The following MAN2B1 variants were observed in gnomAD, a reference collection of about 807,000 sequenced individuals.
MAN2B1 encodes lysosomal alpha-mannosidase.
MAN2B1 carries 99 observed loss-of-function variants against 127.5 expected under a neutral mutation model. That is an observed-to-expected ratio of 0.78 (90% confidence interval 0.66 to 0.92). MAN2B1 has a LOEUF of 0.92. Among genes scored for constraint, MAN2B1 ranks in the 40% least tolerant of loss-of-function variants. The pLI, the probability that MAN2B1 is intolerant of heterozygous loss-of-function variation, is 0.00. For missense variants in MAN2B1, 1,304 were observed against 1,384.8 expected (o/e 0.94, Z 0.93); for synonymous variants, 573 against 568.8 (o/e 1.01, Z -0.11).
intron 14 of MAN2B1, among the ~76,000 whole-genome samples, chr19:12,654,061 G>C (rs1164822465): frequency 2.9e-5 from 2 of 68,588 alleles, no homozygotes; most frequent in Non-Finnish European, 5.8e-5. Context: ...TTTTTTTTTT[G>C]AGACGGAGTC....
At chr19:12,651,460 C>T (rs1175923173) in intron 16 of MAN2B1, among the ~76,000 whole-genome samples, 1 of 152,162 alleles carries the variant, frequency 6.6e-6, no homozygotes, top group Non-Finnish European at 1.5e-5. Flanking sequence ...TATGGAACCA[C>T]CCCACTTTCT....
chr19:12,661,573 G>A (rs1382297315), intron 6 of MAN2B1, among the ~76,000 whole-genome samples, 197 bp from the exon 7 acceptor site: 1 of 152,100 alleles, frequency 6.6e-6, no homozygotes, highest in African/African-American at 2.4e-5. Flanking sequence ...CCTAGAAGAG[G>A]GCATCCAGTC....
chr19:12,662,454 C>G (rs575319794), intron 6 of MAN2B1, among the ~76,000 whole-genome samples: 4 of 151,834 alleles, frequency 2.6e-5, no homozygotes, highest in Non-Finnish European at 5.9e-5. Flanking sequence ...ATGGTGAAAC[C>G]CCCTTTCTAC....
At position 12,658,457 on chromosome 19, in the gene MAN2B1, G is replaced by C. The variant is rs746182835; in HGVS notation, c.1080C>G (p.Leu360=). 2.5e-6 allele frequency: 4 copies of C among 1,614,100 alleles called. No homozygotes were observed. The highest frequency in any genetic ancestry group is 2.2e-5 in the East Asian group (1 of 44,898). The change falls in exon 8 of 24, where the codon CTC becomes CTG. Residue 360 remains leucine (L), a synonymous_variant. Coordinates refer to ENST00000456935, the MANE Select transcript of MAN2B1 (RefSeq NM_000528.4). The part of the protein sequence containing the change: ...HVLYSTPACY[L]WELNKANLTW... ...TGAGGTTGGCCTTGTTCAGCTCCCA[G>C]AGGTAACAAGCGGGGGTGGAGTAGA...
In MAN2B1 at chr19:12,658,154, G is replaced by A. The variant is rs372848519; in HGVS notation, c.1231-13C>T. 1.1e-4 allele frequency: 179 copies of A among 1,613,576 alleles called. 2 individuals are homozygous for A. The East Asian group carries it at 2.0e-3, about 18-fold the overall frequency. Reference sequence around the variant, plus strand: ...GCTGGTTGCACACCTGGAGGCAGAGGGGTATGTTGGGGCGCCCAGCCTGTC... The same window carrying A: ...GCTGGTTGCACACCTGGAGGCAGAGAGGTATGTTGGGGCGCCCAGCCTGTC... On this transcript the variant is annotated splice_polypyrimidine_tract_variant and intron_variant, in intron 9 of 23. Transcript: ENST00000456935.
chr19:12,663,411 A>G lies in MAN2B1; in HGVS notation c.815T>C (p.Leu272Pro). The change falls in exon 6 of 24, where the codon CTG becomes CCG. Residue 272 changes from leucine to proline, a missense_variant. By Grantham distance (98) the Leu-to-Pro change is moderately conservative. Coordinates refer to ENST00000456935, the MANE Select transcript of MAN2B1 (RefSeq NM_000528.4). ...CTCCACCAGCGGCTGATCGACACAC[A>G]GCACATCCCAGCACAGATTCCTTGG... ...NPPRNLCWDV[L>P]CVDQPLVEDP... is the part of the protein sequence containing the mutation. The G allele has an allele frequency of 6.2e-7, 1 of 1,614,094 alleles. No individual in the cohort carries two copies. The highest frequency in any genetic ancestry group is 8.5e-7 in the Non-Finnish European group (1 of 1,179,952).
At chr19:12,658,662 G>C (rs565657563) in intron 7 of MAN2B1, 152 bp from the exon 8 acceptor site, 1 of 741,070 alleles carries the variant, frequency 1.3e-6, no homozygotes, top group Admixed American at 2.1e-5. Flanking sequence ...GTGTGAAAAT[G>C]AATTTTGGCT....
Position 12,665,335 on chromosome 19 carries a change from C to G in MAN2B1, c.436+17G>C. 6.2e-7 allele frequency: 1 copy of G among 1,601,938 alleles called. No homozygotes were observed. Among genetic ancestry groups the G allele is most frequent in the Non-Finnish European group, 8.5e-7 (1 of 1,179,924 alleles). On this transcript the variant is annotated intron_variant, in intron 3 of 23. Coordinates refer to ENST00000456935, the MANE Select transcript of MAN2B1 (RefSeq NM_000528.4). The stretch of plus-strand genomic sequence containing the variant: ...TGGGCTGGGCTTCCTCTTTTCACTT[C>G]CTTGGGGTAGGCTCACCCTGGCGCA...
rs773957286 is a variant in MAN2B1, at chr19:12,658,210, C to G, written c.1230+14G>C. 1.2e-6 allele frequency: 2 copies of G among 1,613,902 alleles called. No individual in the cohort carries two copies. The highest frequency in any genetic ancestry group is 2.2e-5 in the South Asian group (2 of 91,084). Reference sequence around the variant, plus strand: ...TCGGGGCTGCATGCCCCCTCTAGCCCGGCTCCTACCCACCTGCAGGAAGTT... The same window carrying G: ...TCGGGGCTGCATGCCCCCTCTAGCCGGGCTCCTACCCACCTGCAGGAAGTT... On this transcript the variant is annotated intron_variant, in intron 9 of 23. Transcript: ENST00000456935.
In MAN2B1 at chr19:12,650,173, T is replaced by C; in HGVS notation, c.2096A>G (p.Gln699Arg). ...VHQNFSAWCS[Q>R]VVRLYPGQRH... ...CTGTCCTGGGTACAGGCGAACCACCTGGGAACACCAAGCTGAGAAGTTCTG... is the reference window on the plus strand; with the variant it reads ...CTGTCCTGGGTACAGGCGAACCACCCGGGAACACCAAGCTGAGAAGTTCTG... The change falls in exon 17 of 24, where the codon CAG becomes CGG. Residue 699 changes from glutamine to arginine, a missense_variant. Transcript: ENST00000456935. 2 of 1,613,960 alleles carry C rather than the reference T, an allele frequency of 1.2e-6. No homozygotes were observed. The highest frequency in any genetic ancestry group is 1.7e-6 in the Non-Finnish European group (2 of 1,179,988).
At position 12,661,351 on chromosome 19, in the gene MAN2B1, G is replaced by A. The variant is rs1054487; in HGVS notation, c.935C>T (p.Thr312Ile). 607,144 of 1,610,788 alleles carry A rather than the reference G, an allele frequency of 0.38. 121,803 individuals carry two copies. The highest frequency in any genetic ancestry group is 0.55 in the African/African-American group (41,408 of 74,886). The change falls in exon 7 of 24, where the codon ACT becomes ATT. Residue 312 changes from threonine (T) to isoleucine (I), a missense_variant. Transcript: ENST00000456935. ...AQGRYYRTNHTVMTMGSDFQY... is the reference protein window; with the variant it reads ...AQGRYYRTNHIVMTMGSDFQY... ...GAAGTCCGAGCCCATGGTCATCACA[G>A]TGTGGTTGGTGCGGTAATACCGGCC... is the stretch of plus-strand genomic sequence containing the variant.
At chr19:12,656,361 A>G (rs1446462232) in intron 13 of MAN2B1, 2 of 546,014 alleles carry the variant, frequency 3.7e-6, no homozygotes, top group Non-Finnish European at 6.5e-6. Context: ...CGTCTCAAAA[A>G]AAAAAAAAAA....
intron 16 of MAN2B1, among the ~76,000 whole-genome samples, chr19:12,651,860 A>G (rs2023846105): frequency 6.6e-6 from 1 of 152,352 alleles, no homozygotes; most frequent in East Asian, 1.9e-4. Context: ...TCATGGGCCA[A>G]GTGGGAATGC....
At chr19:12,655,339 G>C (rs749146656) in intron 14 of MAN2B1, among the ~76,000 whole-genome samples, 12 of 152,044 alleles carry the variant, frequency 7.9e-5, no homozygotes, top group Non-Finnish European at 1.2e-4. Context: ...TCCCCACCTG[G>C]ATCTCTCTTC....
intron 11 of MAN2B1, 32 bp downstream of exon 11, chr19:12,657,414 C>G: frequency 6.5e-7 from 1 of 1,528,482 alleles, no homozygotes; most frequent in East Asian, 2.4e-5. Context: ...CCTGTCTCCA[C>G]CCCCGTGTCT....
In MAN2B1 at chr19:12,647,043, C is replaced by T. The variant is rs2023704489; in HGVS notation, c.2923+190G>A. 1.6e-6 allele frequency: 1 copy of T among 627,670 alleles called. No homozygotes were observed. Among genetic ancestry groups the T allele is most frequent in the Non-Finnish European group, 2.8e-6 (1 of 353,160 alleles). The allele number at this position is 627,670 out of a possible 1,614,324, so 38.9% of individuals were successfully genotyped here. ...CTTGGGACTAAACAGCACCCACAAA[C>T]CTCAAGACCCATTCCTGGTTTGCCG... On this transcript the variant is annotated intron_variant, in intron 23 of 23. Transcript: ENST00000456935. The surrounding 1 kb of genome is among the most constrained non-coding windows in gnomAD (Gnocchi z 4.9).
At chr19:12,657,860 C>T (rs865970524) in intron 10 of MAN2B1, 33 of 619,964 alleles carry the variant, frequency 5.3e-5, no homozygotes, top group African/African-American at 5.3e-4. Context: ...GAGGCTGAGT[C>T]AGGAGAATGG....
In MAN2B1 at chr19:12,652,416, C is replaced by T. The variant is rs753652903; in HGVS notation, c.1875G>A (p.Glu625=). Residue 625 remains glutamate (E), a synonymous_variant, in exon 15 of 24, where the codon GAG becomes GAA. Coordinates refer to ENST00000456935, the MANE Select transcript of MAN2B1 (RefSeq NM_000528.4). ...TFDPDTGLLM[E]IMNMNQQLLL... is the part of the protein sequence containing the mutation. ...GGAGTTGCTGATTCATGTTCATAAT[C>T]TCCATCAACAGCCCTGTGTCAGGAT... 3 of 1,614,170 alleles carry T rather than the reference C, an allele frequency of 1.9e-6. No homozygotes were observed. Among genetic ancestry groups the T allele is most frequent in the Non-Finnish European group, 2.5e-6 (3 of 1,180,036 alleles).
intron 7 of MAN2B1, among the ~76,000 whole-genome samples, chr19:12,659,550 A>C (rs1456295943): frequency 6.7e-6 from 1 of 148,916 alleles, no homozygotes; most frequent in African/African-American, 2.5e-5. Context: ...TGATCCGCCC[A>C]CCTCAGATTA....
Sources: allele counts gnomAD v4.1 joint callset (sites outside exome capture counted in the v4.1 genomes callset), GRCh38; gene constraint gnomAD v4.1.1; non-coding constraint Gnocchi (gnomAD v3.1); transcripts MANE v1.5; gene names NCBI Gene and HGNC (gene_info 2026-07-23, HGNC 2026-07-21).